Variants in RTL1 observed in about 807,000 individuals in gnomAD.
RTL1 encodes the protein retrotransposon-like protein 1.
For synonymous variants in RTL1, 727 were observed against 748.4 expected (o/e 0.97, Z 0.47); for missense variants, 1,681 against 1,767.5 (o/e 0.95, Z 0.88).
In RTL1 at chr14:100,881,117, G is replaced by A. The variant is rs369638364; in HGVS notation, c.3672C>T (p.Val1224=). The change falls in exon 4 of 4, where the codon GTC becomes GTT. Residue 1224 remains valine (V), a synonymous_variant. Coordinates refer to ENST00000649591, the MANE Select transcript of RTL1 (RefSeq NM_001134888.3). The surrounding 1 kb of genome is among the most constrained non-coding windows in gnomAD (Gnocchi z 6.6). ...GCAAGACGACATCCTCATCACCAACGACGTGCAGCTCCAGGTAGCGGTTCT... is the reference window on the plus strand; with the variant it reads ...GCAAGACGACATCCTCATCACCAACAACGTGCAGCTCCAGGTAGCGGTTCT... ...LRQNRYLELH[V]VGDEDVVLRE... is the part of the protein sequence containing the mutation. 29 of 1,577,016 alleles carry A rather than the reference G, an allele frequency of 1.8e-5. 1 individual carries two copies. In the East Asian group the frequency reaches 2.1e-4, roughly 11 times the overall value.
chr14:100,880,390 C>T lies in RTL1; in HGVS notation c.*322G>A, dbSNP rs568395131. On this transcript the variant is annotated 3_prime_UTR_variant, in exon 4 of 4. Transcript: ENST00000649591. ...GTGCCTGCTTCTTCATCTGGCCACG[C>T]GTCATGGGGTCACTTCCTGCTCACC... Among the ~76,000 whole-genome samples, 38 of 152,174 alleles carry T rather than the reference C, an allele frequency of 2.5e-4. No homozygotes were observed. Among genetic ancestry groups the T allele is most frequent in the Non-Finnish European group, 4.4e-4 (30 of 68,002 alleles).
In RTL1 at chr14:100,881,512, C is replaced by T; in HGVS notation, c.3277G>A (p.Ala1093Thr). Reference protein sequence around the residue: ...LLYWKNTLALAAILVLLRVRQ... With the variant: ...LLYWKNTLALTAILVLLRVRQ... ...ACGCGCAGTAGCACGAGGATGGCTG[C>T]CAGGGCTAGGGTGTTCTTCCAGTAC... Residue 1093 changes from alanine (A) to threonine (T), a missense_variant, in exon 4 of 4, where the codon GCA becomes ACA. Physicochemically the swap from Ala to Thr is moderately conservative, Grantham distance 58 (BLOSUM62 0). Transcript: ENST00000649591. The surrounding 1 kb of genome is among the most constrained non-coding windows in gnomAD (Gnocchi z 6.6). 6.4e-7 allele frequency: 1 copy of T among 1,551,652 alleles called. No individual in the cohort carries two copies.
chr14:100,885,217 C>A (rs553041532), intron 3 of RTL1, among the ~76,000 whole-genome samples: 2 of 152,344 alleles, frequency 1.3e-5, no homozygotes, highest in Admixed American at 6.5e-5. Context: ...CTGCTCCATT[C>A]CCCCCTGGCA....
In RTL1 at chr14:100,881,716, C is replaced by T. The variant is rs759076381; in HGVS notation, c.3073G>A (p.Asp1025Asn). 1.9e-6 allele frequency: 3 copies of T among 1,593,938 alleles called. No individual in the cohort carries two copies. Among genetic ancestry groups the T allele is most frequent in the Non-Finnish European group, 2.6e-6 (3 of 1,169,690 alleles). The stretch of plus-strand genomic sequence containing the variant: ...TCTTCCCCGGATTCCGTCGATGGAT[C>T]CCTGGGGAATCCCCTTGAGGCCAGC... ...LLLASRGFPR[D>N]PSTESGEEEN... The change falls in exon 4 of 4, where the codon GAT becomes AAT. Residue 1025 changes from aspartate (D) to asparagine (N), a missense_variant. By Grantham distance (23) the Asp-to-Asn change is conservative. Transcript: ENST00000649591. The surrounding 1 kb of genome is among the most constrained non-coding windows in gnomAD (Gnocchi z 6.6).
intron 3 of RTL1, among the ~76,000 whole-genome samples, chr14:100,891,445 C>G (rs537403556): frequency 1.3e-5 from 2 of 152,310 alleles, no homozygotes; most frequent in Admixed American, 1.3e-4. Flanking sequence ...GTCTAAATCC[C>G]AAACCACCCA....
At chr14:100,888,494 T>C (rs2038724510) in intron 3 of RTL1, among the ~76,000 whole-genome samples, 2 of 152,218 alleles carry the variant, frequency 1.3e-5, no homozygotes, top group African/African-American at 4.8e-5. Context: ...TAACATGATA[T>C]AAAAATTTGA....
chr14:100,885,986 C>T (rs1041058520), intron 3 of RTL1, among the ~76,000 whole-genome samples: 8 of 152,062 alleles, frequency 5.3e-5, no homozygotes, highest in Admixed American at 3.9e-4. Flanking sequence ...TGGAATCTGA[C>T]GGTCCCAGAG....
chr14:100,882,256 A>G lies in RTL1; in HGVS notation c.2533T>C (p.Trp845Arg). 6.4e-7 allele frequency: 1 copy of G among 1,551,530 alleles called. No homozygotes were observed. Among genetic ancestry groups the G allele is most frequent in the Non-Finnish European group, 8.7e-7 (1 of 1,147,014 alleles). Residue 845 changes from tryptophan to arginine, a missense_variant, in exon 4 of 4, where the codon TGG becomes CGG. Coordinates refer to ENST00000649591, the MANE Select transcript of RTL1 (RefSeq NM_001134888.3). ...RQLLSSYQFY[W>R]GVEEQEAFEC... The stretch of plus-strand genomic sequence containing the variant: ...AAGGCCTCTTGCTCCTCGACTCCCC[A>G]GTAGAACTGGTAGGAGCTCAGCAGC...
chr14:100,901,852 G>A (rs2038946514), intron 2 of RTL1, among the ~76,000 whole-genome samples: 1 of 152,162 alleles, frequency 6.6e-6, no homozygotes, highest in Non-Finnish European at 1.5e-5. Flanking sequence ...TGGGACAGAG[G>A]CACCCCGCCA....
Position 100,881,807 on chromosome 14 carries a change from T to A in RTL1, c.2982A>T (p.Pro994=). Reference sequence around the variant, plus strand: ...TCCTCCACCGGAGGTTTCTCACAGGTGGCAGAGCTCGGCCGCCGTCTTGTT... The same window carrying A: ...TCCTCCACCGGAGGTTTCTCACAGGAGGCAGAGCTCGGCCGCCGTCTTGTT... The part of the protein sequence containing the change: ...LPEQDGGRAL[P]PVRNLRWRRA... The change falls in exon 4 of 4, where the codon CCA becomes CCT. Residue 994 remains proline, a synonymous_variant. Coordinates refer to ENST00000649591, the MANE Select transcript of RTL1 (RefSeq NM_001134888.3). This position sits in a 1 kb window ranked among gnomAD's most constrained non-coding sequence, Gnocchi z 6.6. 1 of 1,613,946 alleles carries A rather than the reference T, an allele frequency of 6.2e-7. No homozygotes were observed. The highest frequency in any genetic ancestry group is 8.5e-7 in the Non-Finnish European group (1 of 1,180,016).
In RTL1 at chr14:100,884,052, G is replaced by C; in HGVS notation, c.737C>G (p.Ser246Cys). Residue 246 changes from serine (S) to cysteine (C), a missense_variant, in exon 4 of 4, where the codon TCC (serine) becomes TGC (cysteine). Coordinates refer to ENST00000649591, the MANE Select transcript of RTL1 (RefSeq NM_001134888.3). ...TTTGGCCCATTCTAATGCCAAGCCG[G>C]ACAGGTGATTGATGACATAGCCAAC... ...LRVGYVINHL[S>C]GLALEWAKAL... 6.4e-7 allele frequency: 1 copy of C among 1,551,734 alleles called. No individual in the cohort carries two copies. Among genetic ancestry groups the C allele is most frequent in the South Asian group, 1.2e-5 (1 of 84,064 alleles).
intron 3 of RTL1, among the ~76,000 whole-genome samples, chr14:100,890,728 C>T (rs1466811001): frequency 2.6e-5 from 4 of 151,982 alleles, no homozygotes; most frequent in Non-Finnish European, 5.9e-5. Flanking sequence ...GTAGGTGGTG[C>T]TCAGAGCTCC....
chr14:100,895,501 T>A (rs1393295791), intron 2 of RTL1, among the ~76,000 whole-genome samples: 2 of 152,172 alleles, frequency 1.3e-5, no homozygotes, highest in Non-Finnish European at 2.9e-5. Flanking sequence ...AAGGCACTTA[T>A]TTTAGGTGGA....
At position 100,884,335 on chromosome 14, in the gene RTL1, C is replaced by CTTT; in HGVS notation, c.453_454insAAA (p.Gln151_Glu152insLys). 1 of 1,553,138 alleles carries CTTT rather than the reference C, an allele frequency of 6.4e-7. No individual in the cohort carries two copies. The highest frequency in any genetic ancestry group is 1.2e-5 in the South Asian group (1 of 84,210). ...GTTGAGTGCTCGGTCTGGTTTTGCT[C>CTTT]TTGAGGAGTCTCCTCCCTTCCCGAT... On this transcript the variant is annotated inframe_insertion, in exon 4 of 4. Coordinates refer to ENST00000649591, the MANE Select transcript of RTL1 (RefSeq NM_001134888.3).
chr14:100,893,615 C>T lies in RTL1; in HGVS notation c.-148-110G>A, dbSNP rs954607823. 1.3e-5 allele frequency among the ~76,000 whole-genome samples: 2 copies of T among 152,232 alleles called. No homozygotes were observed. On this transcript the variant is annotated intron_variant, in intron 2 of 3. Transcript: ENST00000649591. The surrounding 1 kb of genome is among the most constrained non-coding windows in gnomAD (Gnocchi z 4.2). ...ACAGTGCACACACACAGTCTTCCAG[C>T]CTGCTCTGCTCGCGTGCCTTTCTGT...
chr14:100,896,188 C>T (rs1015302307), intron 2 of RTL1, among the ~76,000 whole-genome samples: 6 of 152,122 alleles, frequency 3.9e-5, no homozygotes, highest in Non-Finnish European at 7.3e-5. Flanking sequence ...GCTTCACGTG[C>T]AGGAAAGGCG....
rs980648303 is a variant in RTL1, at chr14:100,893,869, G to A, written c.-148-364C>T. On this transcript the variant is annotated intron_variant, in intron 2 of 3. Coordinates refer to ENST00000649591, the MANE Select transcript of RTL1 (RefSeq NM_001134888.3). This position sits in a 1 kb window ranked among gnomAD's most constrained non-coding sequence, Gnocchi z 4.2. ...GGGCCCACGCTCACTTTAATAACCC[G>A]GACTGGGCAAGGACTAAGTCCAGCC... Among the ~76,000 whole-genome samples the A allele has an allele frequency of 6.6e-6, 1 of 152,164 alleles. No individual in the cohort carries two copies. Among genetic ancestry groups the A allele is most frequent in the African/African-American group, 2.4e-5 (1 of 41,444 alleles).
At chr14:100,896,446 C>A (rs1332979451) in intron 2 of RTL1, among the ~76,000 whole-genome samples, 1 of 152,106 alleles carries the variant, frequency 6.6e-6, no homozygotes, top group East Asian at 1.9e-4. Flanking sequence ...GTTTTGTCTT[C>A]TTGGTGTCTG....
intron 2 of RTL1, among the ~76,000 whole-genome samples, chr14:100,899,662 G>A (rs1476010479): frequency 2.6e-5 from 4 of 151,020 alleles, no homozygotes; most frequent in Non-Finnish European, 4.4e-5. Flanking sequence ...CTTGAGCTGC[G>A]TGTCCTTGGC....
Sources: gnomAD v4.1 joint callset for allele counts (sites outside exome capture counted in the v4.1 genomes callset) on GRCh38, gnomAD v4.1.1 for gene constraint, Gnocchi (gnomAD v3.1) non-coding constraint, MANE v1.5 for transcripts, NCBI Gene and HGNC (gene_info 2026-07-23, HGNC 2026-07-21) for gene names.